The following RBMS3 variants were observed in gnomAD, a reference collection of about 807,000 sequenced individuals.
RBMS3 encodes RNA-binding motif, single-stranded-interacting protein 3.
In RBMS3, 27 loss-of-function variants were observed where a neutral mutation model predicts 66.8. That is an observed-to-expected ratio of 0.40 (90% CI 0.30 to 0.56). RBMS3 has a LOEUF of 0.56. Ranked by LOEUF, RBMS3 falls within the 20% of genes least tolerant of loss-of-function variation. The pLI, the probability that RBMS3 is intolerant of heterozygous loss-of-function variation, is 0.40. For synonymous variants in RBMS3, 188 were observed against 183.0 expected (o/e 1.03, Z -0.22); for missense variants, 513 against 549.5 (o/e 0.93, Z 0.66).
chr3:29,334,298 A>C (rs2035825845), intron 1 of RBMS3, among the ~76,000 whole-genome samples: 1 of 152,188 alleles, frequency 6.6e-6, no homozygotes, highest in South Asian at 2.1e-4. Flanking sequence ...CAAGATTGAG[A>C]GTTAAGATGT....
chr3:29,535,797 T>C (rs1248175858), intron 3 of RBMS3, among the ~76,000 whole-genome samples: 1 of 144,462 alleles, frequency 6.9e-6, no homozygotes, highest in Non-Finnish European at 1.5e-5. Flanking sequence ...GATGGTGAGT[T>C]TGGACTGCAT....
At chr3:29,869,905 A>G (rs1331607156) in intron 7 of RBMS3, among the ~76,000 whole-genome samples, 4 of 152,168 alleles carry the variant, frequency 2.6e-5, no homozygotes, top group Non-Finnish European at 5.9e-5. Context: ...ATACTGACAG[A>G]ACAGTGGTAA....
intron 2 of RBMS3, among the ~76,000 whole-genome samples, chr3:29,474,189 A>C (rs1575932411): frequency 6.6e-6 from 1 of 152,246 alleles, no homozygotes; most frequent in Non-Finnish European, 1.5e-5. Context: ...TAGACCATAC[A>C]CTTTTGTTTA....
At chr3:29,490,511 T>A (rs1168243297) in intron 3 of RBMS3, among the ~76,000 whole-genome samples, 1 of 152,040 alleles carries the variant, frequency 6.6e-6, no homozygotes, top group African/African-American at 2.4e-5. Flanking sequence ...AGGTAAGAAG[T>A]CCAGAAGTAG....
chr3:29,585,696 CT>C (rs1175157412), intron 3 of RBMS3, among the ~76,000 whole-genome samples: 5 of 151,680 alleles, frequency 3.3e-5, no homozygotes, highest in South Asian at 4.2e-4. Context: ...ATTACTTCCA[CT>C]TTTTTTTTCT....
At chr3:29,988,955 TTTAAAAATA>T (rs1261175274) in intron 13 of RBMS3, among the ~76,000 whole-genome samples, 1 of 152,176 alleles carries the variant, frequency 6.6e-6, no homozygotes, top group African/African-American at 2.4e-5. Flanking sequence ...TTTTGAGAGC[TTTAAAAATA>T]TTGATTCCTG....
At chr3:29,363,634 T>A (rs2037732693) in intron 1 of RBMS3, among the ~76,000 whole-genome samples, 1 of 151,848 alleles carries the variant, frequency 6.6e-6, no homozygotes, top group African/African-American at 2.4e-5. Flanking sequence ...ACTAAAAACA[T>A]AAAAAATTAG....
intron 4 of RBMS3, among the ~76,000 whole-genome samples, chr3:29,664,403 G>A (rs1169324443): frequency 2.0e-5 from 3 of 152,026 alleles, no homozygotes; most frequent in East Asian, 1.9e-4. Context: ...CCAGAGAATC[G>A]CTTGAACCCA....
chr3:29,924,313 G>C (rs1383490499), intron 10 of RBMS3, among the ~76,000 whole-genome samples: 1 of 152,130 alleles, frequency 6.6e-6, no homozygotes, highest in African/African-American at 2.4e-5. Flanking sequence ...TTGATTAGCA[G>C]AAGTCACAAA....
intron 4 of RBMS3, among the ~76,000 whole-genome samples, chr3:29,674,337 C>A (rs944563850): frequency 6.6e-6 from 1 of 152,106 alleles, no homozygotes; most frequent in Non-Finnish European, 1.5e-5. Flanking sequence ...CCTTTGAAAA[C>A]TGGCACAAGA....
chr3:29,841,793 A>T (rs1000919559), intron 6 of RBMS3, among the ~76,000 whole-genome samples: 2 of 152,102 alleles, frequency 1.3e-5, no homozygotes, highest in African/African-American at 2.4e-5. Context: ...CTATCAAAAT[A>T]GATGAATTCT....
intron 1 of RBMS3, among the ~76,000 whole-genome samples, chr3:29,372,202 C>T (rs959821852): frequency 1.2e-4 from 19 of 152,100 alleles, no homozygotes; most frequent in Non-Finnish European, 1.0e-4. Context: ...TGGGGACGTG[C>T]ACCTGTAGTC....
At chr3:29,928,889 G>A (rs1436311839) in intron 10 of RBMS3, among the ~76,000 whole-genome samples, 2 of 152,058 alleles carry the variant, frequency 1.3e-5, no homozygotes, top group African/African-American at 2.4e-5. Context: ...ACCCCCAGCT[G>A]AAAGCTACTC....
chr3:29,595,609 C>T (rs1241316433), intron 4 of RBMS3, among the ~76,000 whole-genome samples: 1 of 152,080 alleles, frequency 6.6e-6, no homozygotes, highest in Non-Finnish European at 1.5e-5. Context: ...GGTATTTTCT[C>T]TAAACACCAT....
In RBMS3 at chr3:29,449,761, C is replaced by T. The variant is rs566133743; in HGVS notation, c.248+14846C>T. Among the ~76,000 whole-genome samples, 18 of 152,288 alleles carry T rather than the reference C, an allele frequency of 1.2e-4. 1 individual carries two copies. Among genetic ancestry groups the T allele is most frequent in the African/African-American group, 3.1e-4 (13 of 41,556 alleles). On this transcript the variant is annotated intron_variant, in intron 2 of 14. Coordinates refer to ENST00000383767, the MANE Select transcript of RBMS3 (RefSeq NM_001003793.3). ...TTAGTGTCATGGTTGAAAGTTAAAT[C>T]GTATCCCAACATACTTCAAAAATAG...
At chr3:29,641,440 G>C (rs1226279258) in intron 4 of RBMS3, among the ~76,000 whole-genome samples, 1 of 151,940 alleles carries the variant, frequency 6.6e-6, no homozygotes, top group East Asian at 1.9e-4. Context: ...GATTTCTAAA[G>C]TTAGAATTGC....
At chr3:29,292,195 T>C (rs766828460) in intron 1 of RBMS3, among the ~76,000 whole-genome samples, 22 of 151,746 alleles carry the variant, frequency 1.4e-4, no homozygotes, top group Non-Finnish European at 2.5e-4. Flanking sequence ...TTGTCTCTCT[T>C]ACACATAAAA....
intron 4 of RBMS3, among the ~76,000 whole-genome samples, chr3:29,738,168 C>T (rs189057968): frequency 6.6e-6 from 1 of 152,144 alleles, no homozygotes; most frequent in East Asian, 1.9e-4. Context: ...TGACCTGAAA[C>T]AACATTTGGA....
At chr3:29,445,845 C>G (rs1324399914) in intron 2 of RBMS3, among the ~76,000 whole-genome samples, 1 of 152,096 alleles carries the variant, frequency 6.6e-6, no homozygotes, top group Non-Finnish European at 1.5e-5. Flanking sequence ...TCTTGAGAAA[C>G]AAGCACTTTG....
Sources: allele counts gnomAD v4.1 joint callset (sites outside exome capture counted in the v4.1 genomes callset), GRCh38; gene constraint gnomAD v4.1.1; transcripts MANE v1.5; gene names NCBI Gene and HGNC (gene_info 2026-07-23, HGNC 2026-07-21).